Variants in SUMF1 observed in about 807,000 individuals in gnomAD.
The protein encoded by SUMF1 is sulfatase modifying factor 1.
A neutral mutation model predicts 47.6 loss-of-function variants in SUMF1; 48 were observed. The ratio of observed to expected loss-of-function variants is 1.01; its 90% confidence interval spans 0.80 to 1.28. SUMF1 has a LOEUF of 1.28. Ranked by LOEUF, SUMF1 falls within the 50% of genes most tolerant of loss-of-function variation. The pLI is 0.00. For synonymous variants in SUMF1, 230 were observed against 192.1 expected (o/e 1.20, Z -1.63); for missense variants, 571 against 485.4 (o/e 1.18, Z -1.66).
chr3:4,165,862 T>TTCC (rs61488909), intron 8 of SUMF1, among the ~76,000 whole-genome samples: 10 of 139,308 alleles, frequency 7.2e-5, no homozygotes, highest in African/African-American at 1.1e-4. Context: ...TTTGTTTGTT[T>TTCC]CCCCCCCCCC....
intron 8 of SUMF1, among the ~76,000 whole-genome samples, chr3:4,141,526 A>G (rs1385388596): frequency 6.6e-6 from 1 of 152,060 alleles, no homozygotes; most frequent in Non-Finnish European, 1.5e-5. Flanking sequence ...TGTCAACTCA[A>G]GCGGCTCACA....
intron 8 of SUMF1, among the ~76,000 whole-genome samples, chr3:4,255,139 G>C (rs1036229192): frequency 6.7e-6 from 1 of 149,914 alleles, no homozygotes; most frequent in Non-Finnish European, 1.5e-5. Flanking sequence ...AGGAACAATC[G>C]GTACCAGCCG....
Position 4,079,875 on chromosome 3 carries a change from C to T in SUMF1, c.1015-11130G>A, listed in dbSNP as rs527500563. 4.0e-5 allele frequency among the ~76,000 whole-genome samples: 6 copies of T among 151,414 alleles called. No homozygotes were observed. In the South Asian group the frequency reaches 8.5e-4, roughly 21 times the overall value. On this transcript the variant is annotated intron_variant and NMD_transcript_variant, in intron 8 of 12. Coordinates refer to the SUMF1 transcript ENST00000448413. ...GAAGCTGCAGAAACTGTGGGGCTTTCCCAAAATCACATATATTGTCTCCTT... is the reference window on the plus strand; with the variant it reads ...GAAGCTGCAGAAACTGTGGGGCTTTTCCAAAATCACATATATTGTCTCCTT...
At chr3:4,449,383 T>C in intron 2 of SUMF1, 43 bp from the exon 3 acceptor site, 1 of 1,590,400 alleles carries the variant, frequency 6.3e-7, no homozygotes, top group Non-Finnish European at 8.6e-7. Context: ...AAGGTTGTAG[T>C]AATGTGTTGC....
intron 8 of SUMF1, among the ~76,000 whole-genome samples, chr3:4,197,930 C>A (rs533503040): frequency 6.6e-5 from 10 of 151,922 alleles, no homozygotes; most frequent in Non-Finnish European, 1.3e-4. Context: ...AGCCTCTGAT[C>A]TTACAATGAA....
intron 7 of SUMF1, among the ~76,000 whole-genome samples, chr3:4,398,191 G>A (rs946338670): frequency 1.3e-5 from 2 of 151,936 alleles, no homozygotes; most frequent in Non-Finnish European, 2.9e-5. Flanking sequence ...TAAACCCACC[G>A]AGGTGGGTTT....
chr3:4,230,064 G>A (rs922809953), intron 8 of SUMF1, among the ~76,000 whole-genome samples: 3 of 151,754 alleles, frequency 2.0e-5, no homozygotes, highest in Admixed American at 6.6e-5. Flanking sequence ...GAGAATTTAC[G>A]ATAGTTTTTT....
At chr3:4,400,306 T>C (rs1326309392) in intron 7 of SUMF1, among the ~76,000 whole-genome samples, 1 of 152,102 alleles carries the variant, frequency 6.6e-6, no homozygotes, top group Admixed American at 6.5e-5. Flanking sequence ...GAATAAACAA[T>C]CTTTTGATTG....
chr3:4,109,628 T>C (rs1693244890), intron 8 of SUMF1, among the ~76,000 whole-genome samples: 3 of 152,084 alleles, frequency 2.0e-5, no homozygotes. Context: ...TCATTTCTTT[T>C]TATTCTTTTT....
chr3:4,145,565 C>A (rs1035814602), intron 8 of SUMF1, among the ~76,000 whole-genome samples: 2 of 152,146 alleles, frequency 1.3e-5, no homozygotes, highest in Non-Finnish European at 2.9e-5. Context: ...CCTTCTCAAT[C>A]CATACATATA....
intron 8 of SUMF1, among the ~76,000 whole-genome samples, chr3:4,121,010 C>T (rs374315794): frequency 6.6e-6 from 1 of 152,070 alleles, no homozygotes; most frequent in African/African-American, 2.4e-5. Context: ...TAGGAAATAA[C>T]TGAACTAGAA....
intron 8 of SUMF1, among the ~76,000 whole-genome samples, chr3:4,121,368 G>A (rs571202118): frequency 9.2e-5 from 14 of 152,222 alleles, no homozygotes; most frequent in African/African-American, 2.2e-4. Flanking sequence ...TAGGTTCCAC[G>A]CATTATTCTT....
At chr3:4,070,232 C>T (rs1695487143) in intron 8 of SUMF1, among the ~76,000 whole-genome samples, 1 of 152,128 alleles carries the variant, frequency 6.6e-6, no homozygotes, top group Admixed American at 6.6e-5. Context: ...CTCATGCCTC[C>T]CTAAAATACA....
At chr3:4,368,644 A>G (rs1700065587) in intron 8 of SUMF1, among the ~76,000 whole-genome samples, 1 of 152,210 alleles carries the variant, frequency 6.6e-6, no homozygotes, top group African/African-American at 2.4e-5. Context: ...ACACCATGGA[A>G]GAGTATCACG....
intron 8 of SUMF1, among the ~76,000 whole-genome samples, chr3:4,179,287 A>T (rs930995761): frequency 5.3e-5 from 8 of 152,156 alleles, no homozygotes; most frequent in African/African-American, 1.9e-4. Flanking sequence ...TTCAAACTAT[A>T]CTACAAGGCT....
chr3:4,308,200 C>T (rs996926105), intron 8 of SUMF1, among the ~76,000 whole-genome samples: 2 of 152,314 alleles, frequency 1.3e-5, no homozygotes, highest in African/African-American at 2.4e-5. Flanking sequence ...GAAAGGTATA[C>T]AGTCCGATGG....
At chr3:4,061,542 A>G (rs978688868) in intron 9 of SUMF1, among the ~76,000 whole-genome samples, 1 of 152,104 alleles carries the variant, frequency 6.6e-6, no homozygotes, top group South Asian at 2.1e-4. Flanking sequence ...CTGATCTCCC[A>G]TCTCCTCAGC....
In SUMF1 at chr3:4,418,026, C is replaced by G. The variant is rs746825860; in HGVS notation, c.709G>C (p.Gly237Arg). 1 of 1,613,992 alleles carries G rather than the reference C, an allele frequency of 6.2e-7. No individual in the cohort carries two copies. The highest frequency in any genetic ancestry group is 1.7e-5 in the Admixed American group (1 of 60,024). ...TCTAAATACCTATTATGCAGGCCTC[C>G]TCGACAGCTGTATTCCCACTCAGCT... ...TEAEWEYSCR[G>R]GLHNRLFPWG... The change falls in exon 5 of 9, where the codon GGA becomes CGA. Residue 237 changes from glycine (G) to arginine (R), a missense_variant. By Grantham distance (125) the Gly-to-Arg change is moderately radical. Coordinates refer to ENST00000272902, the MANE Select transcript of SUMF1 (RefSeq NM_182760.4).
At chr3:4,390,734 C>G (rs1369677208) in intron 7 of SUMF1, among the ~76,000 whole-genome samples, 6 of 152,268 alleles carry the variant, frequency 3.9e-5, no homozygotes, top group African/African-American at 1.4e-4. Context: ...AAGCACATAC[C>G]ATGATACCTG....
Sources: gnomAD v4.1 joint callset for allele counts (sites outside exome capture counted in the v4.1 genomes callset) on GRCh38, gnomAD v4.1.1 for gene constraint, MANE v1.5 for transcripts, NCBI Gene and HGNC (gene_info 2026-07-23, HGNC 2026-07-21) for gene names.